Variants in ABCB4 observed in about 807,000 individuals in gnomAD.
ABCB4 encodes phosphatidylcholine translocator ABCB4.
In ABCB4, 76 loss-of-function variants were observed where a neutral mutation model predicts 145.7. The observed-to-expected ratio is 0.52, with a 90% CI of 0.43 to 0.63. ABCB4 has a LOEUF of 0.63. ABCB4 is among the 30% of genes least tolerant of loss of function. The pLI is 0.00. For synonymous variants in ABCB4, 517 were observed against 566.8 expected, an observed-to-expected ratio of 0.91 and a Z score of 1.25; for missense variants, 1,234 against 1,553.1, an observed-to-expected ratio of 0.79 and a Z score of 3.45.
chr7:87,453,180 TTTTTC>T lies in ABCB4; in HGVS notation c.345-50_345-46del, dbSNP rs199500302. The T allele has an allele frequency of 0.023, 36,447 of 1,578,166 alleles. 623 individuals carry two copies. Among genetic ancestry groups the T allele is most frequent in the Non-Finnish European group, 0.029 (33,249 of 1,148,562 alleles). On this transcript the variant is annotated intron_variant, in intron 5 of 27. Coordinates refer to ENST00000649586, the MANE Select transcript of ABCB4 (RefSeq NM_000443.4). Reference sequence around the variant, plus strand: ...CTCTATTAAATACCTTCTCTTTTCTTTTTTCTTTTCTTTTCTTTTCTGAAACTGAG... The same window carrying T: ...CTCTATTAAATACCTTCTCTTTTCTTTTTTCTTTTCTTTTCTGAAACTGAG...
the ABCB4 span, among the ~76,000 whole-genome samples, chr7:87,385,652 A>G: frequency 7.2e-5 from 11 of 152,242 alleles, no homozygotes; most frequent in East Asian, 7.7e-4. Context: ...TTCCTTTGCA[A>G]TTTGAGTGCT....
chr7:87,446,901 T>G (rs1434689861), intron 9 of ABCB4, 133 bp downstream of exon 9: 1 of 796,126 alleles, frequency 1.3e-6, no homozygotes, highest in Non-Finnish European at 2.0e-6. Context: ...CACTGGACAG[T>G]GGAAAGATTC....
At chr7:87,416,455 A>G (rs1052770846) in intron 21 of ABCB4, among the ~76,000 whole-genome samples, 2 of 152,210 alleles carry the variant, frequency 1.3e-5, no homozygotes, top group African/African-American at 4.8e-5. Context: ...ATCACAATTT[A>G]TATTTATTAT....
rs190208068 is a variant in ABCB4, at chr7:87,437,498, T to A, written c.1731+2169A>T. On this transcript the variant is annotated intron_variant, in intron 14 of 27. Transcript: ENST00000649586. ...AGATAGTTTCTTACATAGCAATAGG[T>A]AACCAATTTAGCAACCAAAAAATAA... is the stretch of plus-strand genomic sequence containing the variant. 9.7e-4 allele frequency among the ~76,000 whole-genome samples: 148 copies of A among 152,256 alleles called. 1 individual carries two copies. Among genetic ancestry groups the A allele is most frequent in the Middle Eastern group, 6.8e-3 (2 of 294 alleles).
chr7:87,471,534 CT>C (rs1404513481), intron 3 of ABCB4, among the ~76,000 whole-genome samples: 1 of 152,072 alleles, frequency 6.6e-6, no homozygotes, highest in African/African-American at 2.4e-5. Context: ...TGAATAGGGG[CT>C]TTTGGTTACA....
At chr7:87,379,523 A>G in the ABCB4 span, among the ~76,000 whole-genome samples, 1 of 152,220 alleles carries the variant, frequency 6.6e-6, no homozygotes, top group African/African-American at 2.4e-5. Flanking sequence ...TTTTACTAAT[A>G]GCACCAGTAT....
rs189314946 is a variant in ABCB4 at position 87,401,948 on chromosome 7, A to G, written c.*148T>C. The G allele has an allele frequency of 2.7e-6, 3 of 1,125,040 alleles. No homozygotes were observed. In the Admixed American group the frequency reaches 5.9e-5, roughly 22 times the overall value. 69.7% of individuals were successfully genotyped at this position (1,125,040 alleles called of 1,614,324 possible). A position where few individuals can be genotyped will look rare whatever the true frequency, so the allele number is the denominator to read the frequency against. ...TAACTCTCAAATTTCAAATGCCGTA[A>G]TAAACCCCAAATTGGGTCTTCTAAA... is the stretch of plus-strand genomic sequence containing the variant. On this transcript the variant is annotated 3_prime_UTR_variant, in exon 28 of 28. Coordinates refer to ENST00000649586, the MANE Select transcript of ABCB4 (RefSeq NM_000443.4).
intron 3 of ABCB4, among the ~76,000 whole-genome samples, chr7:87,465,862 A>G (rs984983588): frequency 7.9e-5 from 12 of 152,238 alleles, no homozygotes; most frequent in African/African-American, 2.7e-4. Flanking sequence ...AGGAAAACTA[A>G]CAAACAGAAA....
chr7:87,441,319 C>T (rs1178768374), intron 12 of ABCB4, among the ~76,000 whole-genome samples: 2 of 152,098 alleles, frequency 1.3e-5, no homozygotes, highest in African/African-American at 4.8e-5. Flanking sequence ...TTGTAATTTA[C>T]TAGCACTGGG....
intron 4 of ABCB4, among the ~76,000 whole-genome samples, chr7:87,457,131 G>GC (rs1812147848): frequency 1.3e-5 from 2 of 152,046 alleles, no homozygotes; most frequent in African/African-American, 2.4e-5. Flanking sequence ...TTTATAAAGT[G>GC]CCCCCCGCCA....
chr7:87,392,881 A>T, the ABCB4 span: 1 of 1,610,384 alleles, frequency 6.2e-7, no homozygotes, highest in Non-Finnish European at 8.5e-7. Flanking sequence ...TTGTATATTA[A>T]ATGGTTTTTA....
chr7:87,399,061 G>A (rs1807656404), downstream of ABCB4: 1 of 172,720 alleles, frequency 5.8e-6, no homozygotes, highest in Non-Finnish European at 1.2e-5. Context: ...CTGCCAAAGG[G>A]TATGAATTAC....
chr7:87,473,159 T>C (rs1230610466), intron 2 of ABCB4, among the ~76,000 whole-genome samples: 1 of 152,236 alleles, frequency 6.6e-6, no homozygotes, highest in African/African-American at 2.4e-5. Context: ...CTTCCACCTA[T>C]GCCGCTTCAG....
chr7:87,400,111 G>C (rs929109889), downstream of ABCB4, among the ~76,000 whole-genome samples: 1 of 152,156 alleles, frequency 6.6e-6, no homozygotes, highest in Non-Finnish European at 1.5e-5. Context: ...AGAGTGTTCT[G>C]AGAGGTGAAG....
the ABCB4 span, among the ~76,000 whole-genome samples, chr7:87,380,824 T>C: frequency 6.6e-6 from 1 of 152,218 alleles, no homozygotes; most frequent in East Asian, 1.9e-4. Flanking sequence ...TATTTGATAA[T>C]ATCTGAAAAT....
At position 87,454,583 on chromosome 7, in the gene ABCB4, G is replaced by A. The variant is rs1408217402; in HGVS notation, c.296C>T (p.Ser99Phe). The change falls in exon 5 of 28, where the codon TCC (serine) becomes TTC (phenylalanine). Residue 99 changes from serine to phenylalanine, a missense_variant. This residue lies in a region of ABCB4 where 467 missense variants were observed against 632.8 expected (regional missense o/e 0.74). Transcript: ENST00000649586. ...AGNFSFPVNF[S>F]LSLLNPGKIL... ...TTTGCCTGGATTTAGCAGCGACAAG[G>A]AAAAGTTCACTAAATTAAAAAATAA... The A allele has an allele frequency of 1.2e-6, 2 of 1,609,974 alleles. No individual in the cohort carries two copies. Among genetic ancestry groups the A allele is most frequent in the Non-Finnish European group, 1.7e-6 (2 of 1,177,330 alleles).
At chr7:87,388,377 A>G in the ABCB4 span, among the ~76,000 whole-genome samples, 1 of 152,216 alleles carries the variant, frequency 6.6e-6, no homozygotes, top group Non-Finnish European at 1.5e-5. Flanking sequence ...TTCAAACTGT[A>G]CTACAAGGCT....
At chr7:87,398,711 A>G, downstream of ABCB4, 1 of 1,467,894 alleles carries the variant, frequency 6.8e-7, no homozygotes, top group Non-Finnish European at 9.3e-7. Context: ...GTGAGTTGGT[A>G]ATATGAGATG....
In ABCB4 at chr7:87,417,506, T is replaced by C; in HGVS notation, c.2488A>G (p.Thr830Ala). Residue 830 changes from threonine (T) to alanine (A), a missense_variant, in exon 21 of 28, where the codon ACC (threonine) becomes GCC (alanine). Thr to Ala is a moderately conservative substitution (Grantham distance 58). Coordinates refer to ENST00000649586, the MANE Select transcript of ABCB4 (RefSeq NM_000443.4). Reference sequence around the variant, plus strand: ...TTCTGTGCAATTAAAGCCAACCTGGTTCCTGTGGCCTGGGAGAGAAAAAGC... The same window carrying C: ...TTCTGTGCAATTAAAGCCAACCTGGCTCCTGTGGCCTGGGAGAGAAAAAGC... The part of the protein sequence containing the change: ...DAAQVQGATG[T>A]RLALIAQNIA... 1 of 1,614,052 alleles carries C rather than the reference T, an allele frequency of 6.2e-7. No individual in the cohort carries two copies. The highest frequency in any genetic ancestry group is 1.3e-5 in the African/African-American group (1 of 75,052).
Sources: allele counts gnomAD v4.1 joint callset (sites outside exome capture counted in the v4.1 genomes callset), GRCh38; gene constraint gnomAD v4.1.1; regional missense constraint gnomAD v4.1.1; transcripts MANE v1.5; gene names NCBI Gene and HGNC (gene_info 2026-07-23, HGNC 2026-07-21).